HECW2: variants seen among roughly 807,000 people sequenced by gnomAD.
The protein encoded by HECW2 is E3 ubiquitin-protein ligase HECW2.
A neutral mutation model predicts 175.2 loss-of-function variants in HECW2; 61 were observed. That is an observed-to-expected ratio of 0.35 (90% CI 0.28 to 0.43). The LOEUF (loss-of-function observed/expected upper bound fraction) is 0.43. Among genes scored for constraint, HECW2 ranks in the 20% least tolerant of loss-of-function variants. The probability of loss-of-function intolerance (pLI) is 1.00; values close to 1 mark genes in which losing one functional copy is unlikely to be tolerated. For synonymous variants in HECW2, 671 were observed against 731.0 expected (o/e 0.92, Z 1.32); for missense variants, 1,524 against 2,000.5 (o/e 0.76, Z 4.54).
intron 2 of HECW2, among the ~76,000 whole-genome samples, chr2:196,414,206 T>A (rs1695193511): frequency 6.6e-6 from 1 of 152,202 alleles, no homozygotes; most frequent in Non-Finnish European, 1.5e-5. Context: ...CAGCTGTCAG[T>A]TAGCTTGACT....
rs960231635 is a variant in HECW2 at position 196,199,760 on chromosome 2, G to A, written c.*1517C>T. The stretch of plus-strand genomic sequence containing the variant: ...ACAAAGATGTGGAGTAATCCCAAAA[G>A]CAATTAAAATGAAGAATACCTTCTC... On this transcript the variant is annotated 3_prime_UTR_variant, in exon 29 of 29. Coordinates refer to ENST00000644978, the MANE Select transcript of HECW2 (RefSeq NM_001348768.2). 3.3e-5 allele frequency: 5 copies of A among 152,076 alleles called. No individual in the cohort carries two copies. The highest frequency in any genetic ancestry group is 3.3e-4 in the Admixed American group (5 of 15,256). 9.4% of individuals were successfully genotyped at this position (152,076 alleles called of 1,614,324 possible).
intron 17 of HECW2, chr2:196,260,313 T>C (rs1159725027): frequency 6.6e-6 from 1 of 152,244 alleles, no homozygotes; most frequent in African/African-American, 2.4e-5. Flanking sequence ...TGACAAGCTA[T>C]GGGTCATATG....
chr2:196,419,735 G>A (rs774917092), intron 2 of HECW2, among the ~76,000 whole-genome samples: 6 of 152,130 alleles, frequency 3.9e-5, no homozygotes, highest in Admixed American at 6.5e-5. Context: ...CTGGCTACTC[G>A]CGTATCACAA....
chr2:196,515,605 C>T (rs755052367), intron 1 of HECW2, among the ~76,000 whole-genome samples: 1 of 152,146 alleles, frequency 6.6e-6, no homozygotes, highest in Non-Finnish European at 1.5e-5. Context: ...GGGTATCAAA[C>T]CCAGAAATCA....
At chr2:196,590,224 G>C (rs552654728) in intron 1 of HECW2, among the ~76,000 whole-genome samples, 2 of 152,182 alleles carry the variant, frequency 1.3e-5, no homozygotes, top group South Asian at 2.1e-4. Context: ...AAACCAACAG[G>C]AGTAAACTGG....
At chr2:196,244,507 G>C (rs1018723180) in intron 19 of HECW2, among the ~76,000 whole-genome samples, 4 of 152,148 alleles carry the variant, frequency 2.6e-5, no homozygotes, top group Admixed American at 6.5e-5. Context: ...TGTTAGACGA[G>C]GCATGAGCTC....
intron 9 of HECW2, among the ~76,000 whole-genome samples, chr2:196,317,908 T>C (rs1233112600): frequency 6.6e-6 from 1 of 152,230 alleles, no homozygotes; most frequent in Non-Finnish European, 1.5e-5. Flanking sequence ...TGTAAATTTG[T>C]GTCCTTGGAT....
At chr2:196,562,985 G>A (rs1690057949) in intron 1 of HECW2, among the ~76,000 whole-genome samples, 1 of 152,118 alleles carries the variant, frequency 6.6e-6, no homozygotes, top group South Asian at 2.1e-4. Flanking sequence ...TGAGGCTGCA[G>A]TGAGCCATGA....
At chr2:196,231,239 A>G (rs1195719003) in intron 21 of HECW2, among the ~76,000 whole-genome samples, 1 of 152,102 alleles carries the variant, frequency 6.6e-6, no homozygotes, top group Non-Finnish European at 1.5e-5. Context: ...ATTTTGTCCA[A>G]TGCCATCATT....
chr2:196,521,406 G>A (rs1166554295), intron 1 of HECW2, among the ~76,000 whole-genome samples: 1 of 150,066 alleles, frequency 6.7e-6, no homozygotes, highest in African/African-American at 2.5e-5. Context: ...TCCCAATTAT[G>A]TTTCAGAAAC....
chr2:196,436,122 C>T (rs13429214), intron 1 of HECW2, among the ~76,000 whole-genome samples: 4,577 of 152,228 alleles, frequency 0.03, 228 homozygotes, highest in African/African-American at 0.1. Context: ...GTCTTCGAGC[C>T]GGGCCTGGTG....
At chr2:196,434,397 C>T (rs1446813217) in intron 1 of HECW2, among the ~76,000 whole-genome samples, 1 of 152,152 alleles carries the variant, frequency 6.6e-6, no homozygotes, top group South Asian at 2.1e-4. Flanking sequence ...TTTCCTTTGG[C>T]TCCCGATAAG....
At chr2:196,412,119 A>G (rs573830462) in intron 2 of HECW2, among the ~76,000 whole-genome samples, 1 of 152,364 alleles carries the variant, frequency 6.6e-6, no homozygotes, top group African/African-American at 2.4e-5. Context: ...AACCTATTGT[A>G]TTAGTTTGCT....
intron 1 of HECW2, among the ~76,000 whole-genome samples, chr2:196,481,095 A>G (rs2125371718): frequency 6.6e-6 from 1 of 152,348 alleles, no homozygotes. Context: ...AAGGCTTTGG[A>G]TTCACAATTA....
intron 1 of HECW2, among the ~76,000 whole-genome samples, chr2:196,522,766 T>A (rs1450015172): frequency 6.6e-6 from 1 of 150,514 alleles, no homozygotes; most frequent in South Asian, 2.1e-4. Flanking sequence ...TTTTCTCAGG[T>A]TTGTCAAAGA....
chr2:196,255,683 T>C (rs1158742585), intron 18 of HECW2, among the ~76,000 whole-genome samples: 1 of 152,198 alleles, frequency 6.6e-6, no homozygotes, highest in African/African-American at 2.4e-5. Flanking sequence ...AGACAAAACA[T>C]TAAAATAGAC....
chr2:196,281,789 T>A (rs1359414644), intron 14 of HECW2, among the ~76,000 whole-genome samples: 1 of 151,794 alleles, frequency 6.6e-6, no homozygotes. Context: ...GTTTAAAAAT[T>A]GAGAAGTGGG....
rs927910596 is a variant in HECW2, at chr2:196,308,097, T to G, written c.2435-12A>C. The G allele has an allele frequency of 1.9e-6, 3 of 1,549,556 alleles. No homozygotes were observed. Among genetic ancestry groups the G allele is most frequent in the Non-Finnish European group, 2.6e-6 (3 of 1,137,588 alleles). ...GCGTGCCTCCCAGTCTAAATGGCAG[T>G]GAGGCACCGAAAGGAATTAGGAGGA... On this transcript the variant is annotated splice_polypyrimidine_tract_variant and intron_variant, in intron 10 of 28. Transcript: ENST00000644978.
At chr2:196,522,902 C>CA (rs1688464342) in intron 1 of HECW2, among the ~76,000 whole-genome samples, 1 of 152,158 alleles carries the variant, frequency 6.6e-6, no homozygotes, top group Admixed American at 6.5e-5. Flanking sequence ...AGTTTGAAGT[C>CA]AGGTAGTGTG....
Sources: gnomAD v4.1 joint callset for allele counts (sites outside exome capture counted in the v4.1 genomes callset) on GRCh38, gnomAD v4.1.1 for gene constraint, MANE v1.5 for transcripts, NCBI Gene and HGNC (gene_info 2026-07-23, HGNC 2026-07-21) for gene names.